The following ATXN7L1 variants were observed in gnomAD, a reference collection of about 807,000 sequenced individuals.
ATXN7L1 encodes the protein ataxin 7 like 1.
Under a neutral mutation model 70.8 loss-of-function variants are expected in ATXN7L1, and 15 were observed. The observed-to-expected ratio is 0.21, with a 90% confidence interval of 0.14 to 0.33. The LOEUF (loss-of-function observed/expected upper bound fraction) is 0.33, where lower values mean the gene tolerates loss of function less well. ATXN7L1 is among the 10% of genes least tolerant of loss of function. ATXN7L1 has a pLI of 1.00. For synonymous variants in ATXN7L1, 440 were observed against 445.1 expected, an observed-to-expected ratio of 0.99 and a Z score of 0.14; for missense variants, 975 against 1,097.1, an observed-to-expected ratio of 0.89 and a Z score of 1.57.
intron 2 of ATXN7L1, among the ~76,000 whole-genome samples, chr7:105,800,952 C>T (rs372040134): frequency 2.0e-5 from 3 of 152,116 alleles, no homozygotes; most frequent in South Asian, 2.1e-4. Flanking sequence ...CAGAGGCAGC[C>T]GTGTTTTGCT....
In ATXN7L1 at chr7:105,665,165, C is replaced by T. The variant is rs1314377058; in HGVS notation, c.479G>A (p.Ser160Asn). ...GGGCGTTTTGAATGGCTTTGAGGTG[C>T]TGCTGGCAGAGTGATGGCCGCTGAG... is the stretch of plus-strand genomic sequence containing the variant. ...ACLSGHHSAS[S>N]TSKPFKTPKD... The change falls in exon 4 of 12, where the codon AGC becomes AAC. Residue 160 changes from serine to asparagine, a missense_variant. Ser to Asn is a conservative substitution (Grantham distance 46). Coordinates refer to ENST00000419735, the MANE Select transcript of ATXN7L1 (RefSeq NM_020725.2). The T allele has an allele frequency of 1.3e-6, 2 of 1,551,714 alleles. No individual in the cohort carries two copies. Among genetic ancestry groups the T allele is most frequent in the African/African-American group, 2.7e-5 (2 of 73,158 alleles).
intron 8 of ATXN7L1, among the ~76,000 whole-genome samples, chr7:105,622,888 G>A (rs73192171): frequency 0.046 from 6,930 of 152,242 alleles, 223 homozygotes; most frequent in Middle Eastern, 0.092. Context: ...GACGTACAGG[G>A]ACCATGCGTG....
At chr7:105,662,019 TTTCTTTCTTTCC>T (rs746250812) in intron 4 of ATXN7L1, among the ~76,000 whole-genome samples, 11,833 of 76,780 alleles carry the variant, frequency 0.15, 628 homozygotes, top group Admixed American at 0.18. Flanking sequence ...CTTTTCTTTC[TTTCTTTCTTTCC>T]TTCCTTCCTT....
intron 3 of ATXN7L1, among the ~76,000 whole-genome samples, chr7:105,665,782 CTT>C (rs1260542310): frequency 6.6e-6 from 1 of 152,202 alleles, no homozygotes; most frequent in East Asian, 1.9e-4. Flanking sequence ...ATCGAAAGGA[CTT>C]TGCAAGCGAG....
At chr7:105,733,681 C>CTATGCTTCCAT (rs1796965888) in intron 3 of ATXN7L1, among the ~76,000 whole-genome samples, 3 of 6,458 alleles carry the variant, frequency 4.6e-4, no homozygotes, top group Admixed American at 1.7e-3. Flanking sequence ...CATCCATCCA[C>CTATGCTTCCAT]CCATCCACCC....
At chr7:105,699,095 G>A (rs1225102008) in intron 3 of ATXN7L1, among the ~76,000 whole-genome samples, 2 of 151,996 alleles carry the variant, frequency 1.3e-5, no homozygotes, top group Non-Finnish European at 2.9e-5. Context: ...AGCCACAGTG[G>A]AACAGGGCTC....
intron 2 of ATXN7L1, among the ~76,000 whole-genome samples, chr7:105,805,471 T>C (rs1180710277): frequency 1.3e-5 from 2 of 152,198 alleles, no homozygotes; most frequent in Non-Finnish European, 2.9e-5. Flanking sequence ...CCTCATCTAC[T>C]CACTCATTTA....
Position 105,685,548 on chromosome 7 carries a change from A to T in ATXN7L1, c.356-20260T>A, listed in dbSNP as rs113827470. On this transcript the variant is annotated intron_variant, in intron 3 of 11. Transcript: ENST00000419735. ...CCTCTCTCATCTCAGACCAGAGCCA[A>T]AGCTGGCTTATAAAGAAAAAGGAGT... Among the ~76,000 whole-genome samples, 281 of 152,254 alleles carry T rather than the reference A, an allele frequency of 1.8e-3. 1 individual carries two copies. Among genetic ancestry groups the T allele is most frequent in the African/African-American group, 6.5e-3 (271 of 41,542 alleles).
intron 3 of ATXN7L1, among the ~76,000 whole-genome samples, chr7:105,748,349 G>A (rs13226770): frequency 1.3e-5 from 2 of 152,160 alleles, no homozygotes; most frequent in African/African-American, 4.8e-5. Flanking sequence ...CTCTACCTGT[G>A]AGACTCTGGC....
intron 3 of ATXN7L1, among the ~76,000 whole-genome samples, chr7:105,731,907 A>G (rs904097538): frequency 5.9e-4 from 89 of 151,740 alleles, no homozygotes; most frequent in African/African-American, 2.1e-3. Context: ...AGCCTGGCCA[A>G]TATGGTGAAA....
intron 3 of ATXN7L1, among the ~76,000 whole-genome samples, chr7:105,781,466 T>C (rs1803520220): frequency 6.6e-6 from 1 of 152,234 alleles, no homozygotes; most frequent in Admixed American, 6.5e-5. Flanking sequence ...CATACATGCC[T>C]GTGCACACAC....
At chr7:105,742,856 A>G (rs888742808) in intron 3 of ATXN7L1, among the ~76,000 whole-genome samples, 3 of 152,102 alleles carry the variant, frequency 2.0e-5, no homozygotes, top group African/African-American at 7.2e-5. Flanking sequence ...CCCTCCTCCA[A>G]AACAGGTCAC....
intron 2 of ATXN7L1, among the ~76,000 whole-genome samples, chr7:105,860,445 C>T (rs1240221246): frequency 1.3e-5 from 2 of 152,102 alleles, no homozygotes; most frequent in African/African-American, 4.8e-5. Context: ...CTGTGTTTTG[C>T]ATTGTAGCTC....
Position 105,781,916 on chromosome 7 carries a change from T to C in ATXN7L1, c.355+6688A>G, listed in dbSNP as rs192210666. 3.2e-3 allele frequency among the ~76,000 whole-genome samples: 481 copies of C among 152,278 alleles called. 7 individuals carry two copies. Among genetic ancestry groups the C allele is most frequent in the African/African-American group, 0.011 (457 of 41,570 alleles). On this transcript the variant is annotated intron_variant, in intron 3 of 11. Transcript: ENST00000419735. Reference sequence around the variant, plus strand: ...GTGCAGGGGCACAATCTCAGCTCACTGCACCCTCCACCTCCCAGGCTCAAG... The same window carrying C: ...GTGCAGGGGCACAATCTCAGCTCACCGCACCCTCCACCTCCCAGGCTCAAG...
chr7:105,692,424 T>TCCTTCCCTCCCTCCTTCCTTCCTTCCTC lies in ATXN7L1; in HGVS notation c.356-27137_356-27136insGAGGAAGGAAGGAAGGAGGGAGGGAAGG. Among the ~76,000 whole-genome samples the TCCTTCCCTCCCTCCTTCCTTCCTTCCTC allele has an allele frequency of 6.7e-3, 594 of 88,164 alleles. 20 individuals carry two copies. The highest frequency in any genetic ancestry group is 9.3e-3 in the Middle Eastern group (2 of 214). 57.8% of individuals were successfully genotyped at this position (88,164 alleles called of 152,430 possible). The stretch of plus-strand genomic sequence containing the variant: ...TTCCTTCCTTCCTTCCTTCCTTCCT[T>TCCTTCCCTCCCTCCTTCCTTCCTTCCTC]CCTCCCTCCCTCCCTCCCTCCCTTC... On this transcript the variant is annotated intron_variant, in intron 3 of 11. Coordinates refer to ENST00000419735, the MANE Select transcript of ATXN7L1 (RefSeq NM_020725.2).
At chr7:105,692,407 T>TTCCTTCCTTCCTTCCTTCCTTCCC (rs1554431618) in intron 3 of ATXN7L1, among the ~76,000 whole-genome samples, 2 of 82,254 alleles carry the variant, frequency 2.4e-5, no homozygotes, top group African/African-American at 8.6e-5. Flanking sequence ...CCTTCCTTCC[T>TTCCTTCCTTCCTTCCTTCCTTCCC]TCCTTCCTTC....
intron 3 of ATXN7L1, among the ~76,000 whole-genome samples, chr7:105,743,133 A>T (rs1231703448): frequency 6.6e-6 from 1 of 152,164 alleles, no homozygotes; most frequent in African/African-American, 2.4e-5. Context: ...TAATTGATTT[A>T]TATTTTGGTA....
intron 3 of ATXN7L1, among the ~76,000 whole-genome samples, chr7:105,725,055 T>C (rs1273000750): frequency 1.3e-5 from 2 of 152,150 alleles, no homozygotes; most frequent in Non-Finnish European, 2.9e-5. Flanking sequence ...ACTTCATCTT[T>C]ACTTAATTAC....
chr7:105,708,405 G>C (rs520579), intron 3 of ATXN7L1, among the ~76,000 whole-genome samples: 24,213 of 152,194 alleles, frequency 0.16, 1,958 homozygotes, highest in East Asian at 0.21. Flanking sequence ...TCTCCAAGTT[G>C]AGTGGGCCAG....
Sources: gnomAD v4.1 joint callset for allele counts (sites outside exome capture counted in the v4.1 genomes callset) on GRCh38, gnomAD v4.1.1 for gene constraint, MANE v1.5 for transcripts, NCBI Gene and HGNC (gene_info 2026-07-23, HGNC 2026-07-21) for gene names.